The following VIPR2 variants were observed in gnomAD, a reference collection of about 807,000 sequenced individuals.
VIPR2 encodes the protein vasoactive intestinal peptide receptor 2.
VIPR2 carries 48 observed loss-of-function variants against 58.0 expected under a neutral mutation model. The ratio of observed to expected loss-of-function variants is 0.83; its 90% confidence interval spans 0.66 to 1.05. The LOEUF (loss-of-function observed/expected upper bound fraction) is 1.05, where lower values mean the gene tolerates loss of function less well. Ranked by LOEUF, VIPR2 falls within the 50% of genes least tolerant of loss-of-function variation. VIPR2 has a pLI of 0.00. For missense variants in VIPR2, 534 were observed against 558.0 expected (o/e 0.96, Z 0.43); for synonymous variants, 243 against 235.2 (o/e 1.03, Z -0.30).
At chr7:159,073,357 A>G (rs920950066) in intron 4 of VIPR2, among the ~76,000 whole-genome samples, 13 of 152,136 alleles carry the variant, frequency 8.5e-5, no homozygotes, top group African/African-American at 3.1e-4. Context: ...AGTACAATAT[A>G]TTGCATCCAT....
chr7:159,034,619 A>T lies in VIPR2; in HGVS notation c.841T>A (p.Trp281Arg). 6.2e-7 allele frequency: 1 copy of T among 1,614,074 alleles called. No homozygotes were observed. Among genetic ancestry groups the T allele is most frequent in the Non-Finnish European group, 8.5e-7 (1 of 1,179,968 alleles). ...AAAATCGGTATTCGTATGACCCACCAGGGCACACTGTGGTCGTTTGTATCC... is the reference window on the plus strand; with the variant it reads ...AAAATCGGTATTCGTATGACCCACCTGGGCACACTGTGGTCGTTTGTATCC... ...CWDTNDHSVP[W>R]WVIRIPILIS... Residue 281 changes from tryptophan to arginine, a missense_variant, in exon 9 of 13, where the codon TGG becomes AGG. By Grantham distance (101) the Trp-to-Arg change is moderately radical. This residue lies in a region of VIPR2 where 306 missense variants were observed against 285.8 expected (regional missense o/e 1.07). Coordinates refer to ENST00000262178, the MANE Select transcript of VIPR2 (RefSeq NM_003382.5).
intron 2 of VIPR2, among the ~76,000 whole-genome samples, chr7:159,132,943 A>C (rs1797023383): frequency 6.8e-6 from 1 of 147,532 alleles, no homozygotes. Flanking sequence ...TGATTGGCAT[A>C]CAGATTGATT....
intron 5 of VIPR2, among the ~76,000 whole-genome samples, chr7:159,052,636 A>G (rs1321278979): frequency 6.6e-6 from 1 of 152,218 alleles, no homozygotes; most frequent in Non-Finnish European, 1.5e-5. Flanking sequence ...TAGATGAAAA[A>G]TCCTCAACAA....
intron 4 of VIPR2, among the ~76,000 whole-genome samples, chr7:159,066,374 C>T (rs563473543): frequency 6.6e-6 from 1 of 151,690 alleles, no homozygotes; most frequent in Non-Finnish European, 1.5e-5. Context: ...CCACACCATC[C>T]GTGGGATTCT....
At chr7:159,117,338 G>C in intron 2 of VIPR2, 1 of 717,462 alleles carries the variant, frequency 1.4e-6, no homozygotes, top group South Asian at 1.5e-5. Flanking sequence ...GGAGCCAATG[G>C]GTAGGTATGT....
Position 159,097,054 on chromosome 7 carries a change from C to T in VIPR2, c.357+6703G>A, listed in dbSNP as rs2129495586. ...GGCCGCTCTGGGGGTCTCTGGCAGG[C>T]TCCTCCTGGCACCCTGGGAGGCTGG... On this transcript the variant is annotated intron_variant, in intron 4 of 12. Transcript: ENST00000262178. The surrounding 1 kb of genome is among the most constrained non-coding windows in gnomAD (Gnocchi z 5.3). 1.3e-6 allele frequency: 2 copies of T among 1,547,624 alleles called. No individual in the cohort carries two copies. Among genetic ancestry groups the T allele is most frequent in the South Asian group, 2.4e-5 (2 of 83,708 alleles).
At chr7:159,042,588 C>T (rs1854415510) in intron 6 of VIPR2, among the ~76,000 whole-genome samples, 1 of 152,190 alleles carries the variant, frequency 6.6e-6, no homozygotes, top group Admixed American at 6.5e-5. Context: ...TCAGGCTTTA[C>T]AAGGAATTTA....
intron 5 of VIPR2, among the ~76,000 whole-genome samples, chr7:159,051,547 T>C (rs1200350539): frequency 6.6e-6 from 1 of 152,192 alleles, no homozygotes; most frequent in Non-Finnish European, 1.5e-5. Context: ...GAACTCACAG[T>C]TGTCATAAGT....
At chr7:159,062,129 A>G (rs1855711335) in intron 4 of VIPR2, among the ~76,000 whole-genome samples, 1 of 152,174 alleles carries the variant, frequency 6.6e-6, no homozygotes, top group South Asian at 2.1e-4. Flanking sequence ...CCGGATCCCA[A>G]CAGGGACTTG....
At position 159,030,542 on chromosome 7, in the gene VIPR2, GGAAGCCGGCGTCTCAGCCCCGCA is replaced by G. The variant is rs1209649670; in HGVS notation, c.*51_*73del. 7.6e-6 allele frequency: 11 copies of G among 1,455,946 alleles called. No individual in the cohort carries two copies. The highest frequency in any genetic ancestry group is 1.0e-5 in the Non-Finnish European group (11 of 1,100,062). 90.2% of individuals were successfully genotyped at this position (1,455,946 alleles called of 1,614,324 possible). A position where few individuals can be genotyped will look rare whatever the true frequency, so the allele number is the denominator to read the frequency against. On this transcript the variant is annotated 3_prime_UTR_variant, in exon 13 of 13. Transcript: ENST00000262178. The stretch of plus-strand genomic sequence containing the variant: ...CACGGTGCTCGGGCATCTGGAAGGA[GGAAGCCGGCGTCTCAGCCCCGCA>G]GAAGCCCCGAACCGTGGGCCTCCCG...
At chr7:159,072,236 A>G (rs1344361606) in intron 4 of VIPR2, among the ~76,000 whole-genome samples, 1 of 152,170 alleles carries the variant, frequency 6.6e-6, no homozygotes, top group East Asian at 1.9e-4. Context: ...AGGTAAGAAA[A>G]CACACATCGC....
intron 4 of VIPR2, among the ~76,000 whole-genome samples, chr7:159,066,131 G>T (rs140358953): frequency 0.014 from 1,952 of 138,612 alleles, 26 homozygotes; most frequent in Admixed American, 0.031. Context: ...CTGATCCCAC[G>T]TTGTCCATGG....
intron 2 of VIPR2, among the ~76,000 whole-genome samples, chr7:159,131,498 A>G (rs1363718371): frequency 6.6e-6 from 1 of 152,214 alleles, no homozygotes; most frequent in Admixed American, 6.5e-5. Context: ...ACGCAGATTT[A>G]CTGGGTACCA....
In VIPR2 at chr7:159,098,031, G is replaced by A. The variant is rs1384397055; in HGVS notation, c.357+5726C>T. ...CACGATCAGTCCCAGGAGCTCCTCC[G>A]TGGCCTCTTGGAAGCCTGAGCCCTG... On this transcript the variant is annotated intron_variant, in intron 4 of 12. Coordinates refer to ENST00000262178, the MANE Select transcript of VIPR2 (RefSeq NM_003382.5). This position sits in a 1 kb window ranked among gnomAD's most constrained non-coding sequence, Gnocchi z 5.2. Among the ~76,000 whole-genome samples, 1 of 152,202 alleles carries A rather than the reference G, an allele frequency of 6.6e-6. No individual in the cohort carries two copies. Among genetic ancestry groups the A allele is most frequent in the East Asian group, 1.9e-4 (1 of 5,186 alleles).
At chr7:159,117,833 G>GAA (rs1189533115) in intron 2 of VIPR2, among the ~76,000 whole-genome samples, 1 of 152,234 alleles carries the variant, frequency 6.6e-6, no homozygotes, top group African/African-American at 2.4e-5. Context: ...CAGGGCTGGG[G>GAA]AACAGCTCTA....
rs1483988663 is a variant in VIPR2 at position 159,127,583 on chromosome 7, T to G, written c.151+14863A>C. Among the ~76,000 whole-genome samples, 2 of 152,294 alleles carry G rather than the reference T, an allele frequency of 1.3e-5. No homozygotes were observed. The highest frequency in any genetic ancestry group is 4.8e-5 in the African/African-American group (2 of 41,566). On this transcript the variant is annotated intron_variant, in intron 2 of 12. Transcript: ENST00000262178. The surrounding 1 kb of genome is among the most constrained non-coding windows in gnomAD (Gnocchi z 4.6). ...GGATCCCTGACCAGCCATCTCTGCC[T>G]AAAGAGAAGGCATCATTGCAAATGC...
intron 4 of VIPR2, among the ~76,000 whole-genome samples, chr7:159,063,909 C>CTGG (rs1855915439): frequency 1.6e-5 from 1 of 62,454 alleles, no homozygotes; most frequent in Non-Finnish European, 3.1e-5. Flanking sequence ...TCTGGGGTTC[C>CTGG]TGGAGGGATG....
chr7:159,062,112 G>C (rs549380854), intron 4 of VIPR2, among the ~76,000 whole-genome samples: 1 of 152,336 alleles, frequency 6.6e-6, no homozygotes, highest in African/African-American at 2.4e-5. Context: ...AAGCAGACGA[G>C]AACTGGCCGG....
rs145568488 is a variant in VIPR2 at position 159,122,450 on chromosome 7, G to A, written c.152-12531C>T. ...TGAGCCACTGCTCTCTTGCTTCTGC[G>A]GAGCTCACCTGGTCTCCCAGGAAGA... On this transcript the variant is annotated intron_variant, in intron 2 of 12. Coordinates refer to ENST00000262178, the MANE Select transcript of VIPR2 (RefSeq NM_003382.5). 4.2e-3 allele frequency among the ~76,000 whole-genome samples: 641 copies of A among 152,272 alleles called. 4 individuals are homozygous for A. Among genetic ancestry groups the A allele is most frequent in the African/African-American group, 0.015 (612 of 41,548 alleles).
Sources: allele counts gnomAD v4.1 joint callset (sites outside exome capture counted in the v4.1 genomes callset), GRCh38; gene constraint gnomAD v4.1.1; regional missense constraint gnomAD v4.1.1; non-coding constraint Gnocchi (gnomAD v3.1); transcripts MANE v1.5; gene names NCBI Gene and HGNC (gene_info 2026-07-23, HGNC 2026-07-21).